Variants in COLGALT2 observed in about 807,000 individuals in gnomAD.
The protein encoded by COLGALT2 is collagen beta(1-O)galactosyltransferase 2.
Under a neutral mutation model 73.4 loss-of-function variants are expected in COLGALT2, and 49 were observed. That is an observed-to-expected ratio of 0.67 (90% CI 0.53 to 0.85). The LOEUF (loss-of-function observed/expected upper bound fraction) is 0.85. COLGALT2 is among the 40% of genes least tolerant of loss of function. The pLI is 0.00. For synonymous variants in COLGALT2, 295 were observed against 307.6 expected (o/e 0.96, Z 0.43); for missense variants, 722 against 790.2 (o/e 0.91, Z 1.03).
intron 1 of COLGALT2, among the ~76,000 whole-genome samples, chr1:184,036,700 A>G (rs1190453781): frequency 6.6e-6 from 1 of 152,164 alleles, no homozygotes; most frequent in East Asian, 1.9e-4. Context: ...CAGGCACCCT[A>G]TCCCCTCACG....
Position 183,969,406 on chromosome 1 carries a change from A to T in COLGALT2, c.695T>A (p.Val232Asp). The change falls in exon 5 of 12, where the codon GTC (valine) becomes GAC (aspartate). Residue 232 changes from valine (V) to aspartate (D), a missense_variant. Transcript: ENST00000361927. The stretch of plus-strand genomic sequence containing the variant: ...TAGGAAGGTGGAGTGGACCATGGGG[A>T]CGGGGAAGCAGCCTGTCCTCTTCCA... Reference protein sequence around the residue: ...REWKRTGCFPVPMVHSTFLID... With the variant: ...REWKRTGCFPDPMVHSTFLID... 6.2e-7 allele frequency: 1 copy of T among 1,613,818 alleles called. No homozygotes were observed. Among genetic ancestry groups the T allele is most frequent in the Non-Finnish European group, 8.5e-7 (1 of 1,179,870 alleles).
intron 1 of COLGALT2, among the ~76,000 whole-genome samples, chr1:184,010,107 A>AT (rs1470350788): frequency 1.3e-5 from 2 of 152,118 alleles, no homozygotes; most frequent in African/African-American, 2.4e-5. Flanking sequence ...TGGGGTCTAG[A>AT]TTTTTTCACC....
intron 7 of COLGALT2, among the ~76,000 whole-genome samples, chr1:183,952,962 T>C (rs1440813292): frequency 6.6e-6 from 1 of 152,170 alleles, no homozygotes; most frequent in Non-Finnish European, 1.5e-5. Flanking sequence ...GGTATAAACA[T>C]GAAGCCACCT....
rs1202380717 is a variant in COLGALT2, at chr1:183,978,440, T to C, written c.344A>G (p.Tyr115Cys). Residue 115 changes from tyrosine (Y) to cysteine (C), a missense_variant, in exon 2 of 12, where the codon TAT (tyrosine) becomes TGT (cysteine). Coordinates refer to ENST00000361927, the MANE Select transcript of COLGALT2 (RefSeq NM_015101.4). The stretch of plus-strand genomic sequence containing the variant: ...TTCATCCATAGGCCTCCACTCCACA[T>C]AGTGATAGAGTCTCTGTACATTTTT... ...WLKNVQRLYH[Y>C]VEWRPMDEPE... 5.0e-6 allele frequency: 8 copies of C among 1,610,244 alleles called. No homozygotes were observed. Among genetic ancestry groups the C allele is most frequent in the South Asian group, 1.1e-5 (1 of 90,946 alleles).
chr1:183,964,408 C>T (rs144788587), intron 5 of COLGALT2: 126 of 250,146 alleles, frequency 5.0e-4, no homozygotes, highest in African/African-American at 2.4e-3. Context: ...GGAATGAAAT[C>T]CACATTTGAT....
At chr1:183,980,786 C>G (rs1671329051) in intron 1 of COLGALT2, among the ~76,000 whole-genome samples, 1 of 151,972 alleles carries the variant, frequency 6.6e-6, no homozygotes, top group Non-Finnish European at 1.5e-5. Context: ...GACCAATATC[C>G]TTTAATGCAC....
intron 4 of COLGALT2, among the ~76,000 whole-genome samples, chr1:183,971,532 T>C (rs1671036862): frequency 6.6e-6 from 1 of 152,224 alleles, no homozygotes; most frequent in African/African-American, 2.4e-5. Context: ...GATTCTGCCA[T>C]GTGAAACACT....
At chr1:183,986,035 C>T (rs781064549) in intron 1 of COLGALT2, among the ~76,000 whole-genome samples, 10 of 152,164 alleles carry the variant, frequency 6.6e-5, no homozygotes, top group African/African-American at 1.7e-4. Flanking sequence ...CATCGAGTCC[C>T]GCCACCTCTG....
chr1:183,973,644 G>C lies in COLGALT2; in HGVS notation c.599C>G (p.Ser200Cys). ...APMLESRGLY[S>C]NFWCGITPKG... is the part of the protein sequence containing the mutation. The stretch of plus-strand genomic sequence containing the variant: ...AGGGGTGATTCCGCACCAGAAATTA[G>C]AATACAGGCCCCGAGACTCCAGCAT... The change falls in exon 4 of 12, where the codon TCT (serine) becomes TGT (cysteine). Residue 200 changes from serine (S) to cysteine (C), a missense_variant. By Grantham distance (112) the Ser-to-Cys change is moderately radical. Coordinates refer to ENST00000361927, the MANE Select transcript of COLGALT2 (RefSeq NM_015101.4). The C allele has an allele frequency of 6.2e-7, 1 of 1,614,020 alleles. No individual in the cohort carries two copies. Among genetic ancestry groups the C allele is most frequent in the Non-Finnish European group, 8.5e-7 (1 of 1,179,984 alleles).
intron 1 of COLGALT2, among the ~76,000 whole-genome samples, chr1:184,013,884 T>C (rs1229161702): frequency 6.6e-6 from 1 of 152,068 alleles, no homozygotes; most frequent in Non-Finnish European, 1.5e-5. Flanking sequence ...TGACAAAAAC[T>C]GATTAATAAC....
chr1:183,968,130 T>C (rs1670931905), intron 5 of COLGALT2, among the ~76,000 whole-genome samples: 1 of 152,198 alleles, frequency 6.6e-6, no homozygotes, highest in Non-Finnish European at 1.5e-5. Flanking sequence ...GCACCATCTT[T>C]TCCACCCTCA....
intron 1 of COLGALT2, among the ~76,000 whole-genome samples, chr1:183,983,746 G>T (rs1479914471): frequency 6.6e-6 from 1 of 152,170 alleles, no homozygotes; most frequent in South Asian, 2.1e-4. Flanking sequence ...AGGCACAGTG[G>T]CCCCTCTCTC....
At chr1:184,017,530 C>T (rs1001191326) in intron 1 of COLGALT2, among the ~76,000 whole-genome samples, 4 of 152,082 alleles carry the variant, frequency 2.6e-5, no homozygotes, top group Admixed American at 2.0e-4. Flanking sequence ...ATTATTCCAC[C>T]GACTGCAAAC....
In COLGALT2 at chr1:183,963,943, C is replaced by T; in HGVS notation, c.910G>A (p.Glu304Lys). The change falls in exon 6 of 12, where the codon GAA becomes AAA. Residue 304 changes from glutamate (E) to lysine (K), a missense_variant. Glu to Lys is a moderately conservative substitution (Grantham distance 56). Coordinates refer to ENST00000361927, the MANE Select transcript of COLGALT2 (RefSeq NM_015101.4). ...ACATGGATGAGGTTCTCGATGTCTTCCTGCAGTGTCTGATGGGGCTTCAGG... is the reference window on the plus strand; with the variant it reads ...ACATGGATGAGGTTCTCGATGTCTTTCTGCAGTGTCTGATGGGGCTTCAGG... ...IPLKPHQTLQ[E>K]DIENLIHVQI... 3.7e-6 allele frequency: 6 copies of T among 1,612,658 alleles called. No homozygotes were observed. The highest frequency in any genetic ancestry group is 1.1e-5 in the South Asian group (1 of 90,746).
intron 1 of COLGALT2, among the ~76,000 whole-genome samples, chr1:183,994,544 T>A (rs560794657): frequency 6.6e-6 from 1 of 152,266 alleles, no homozygotes; most frequent in East Asian, 1.9e-4. Flanking sequence ...AACCTCCGCC[T>A]TCCAGGTTCA....
intron 1 of COLGALT2, among the ~76,000 whole-genome samples, chr1:183,996,627 G>A (rs1671776408): frequency 1.3e-5 from 2 of 152,216 alleles, no homozygotes; most frequent in Non-Finnish European, 2.9e-5. Context: ...GCCTAGAGGT[G>A]AGGACCTGTC....
In COLGALT2 at chr1:184,037,151, C is replaced by A; in HGVS notation, c.207G>T (p.Pro69=). 1 of 1,600,358 alleles carries A rather than the reference C, an allele frequency of 6.2e-7. No individual in the cohort carries two copies. Among genetic ancestry groups the A allele is most frequent in the Non-Finnish European group, 8.5e-7 (1 of 1,175,184 alleles). The change falls in exon 1 of 12, where the codon CCG becomes CCT. Residue 69 remains proline, a synonymous_variant. Coordinates refer to ENST00000361927, the MANE Select transcript of COLGALT2 (RefSeq NM_015101.4). ...VLARNAAHTL[P]HFLGCLERLD... ...GCCGCTCCAGGCAGCCGAGGAAGTG[C>A]GGCAGCGTGTGCGCCGCGTTGCGGG... is the stretch of plus-strand genomic sequence containing the variant.
At chr1:184,036,584 G>C (rs1045185735) in intron 1 of COLGALT2, among the ~76,000 whole-genome samples, 1 of 152,182 alleles carries the variant, frequency 6.6e-6, no homozygotes, top group African/African-American at 2.4e-5. Context: ...GCAGGAGCCC[G>C]GCACCGGAAA....
At chr1:184,018,802 C>T (rs1027356244) in intron 1 of COLGALT2, among the ~76,000 whole-genome samples, 15 of 152,062 alleles carry the variant, frequency 9.9e-5, no homozygotes, top group African/African-American at 3.6e-4. Flanking sequence ...CAAGATTCTC[C>T]AGACAGCAGG....
Sources: gnomAD v4.1 joint callset for allele counts (sites outside exome capture counted in the v4.1 genomes callset) on GRCh38, gnomAD v4.1.1 for gene constraint, MANE v1.5 for transcripts, NCBI Gene and HGNC (gene_info 2026-07-23, HGNC 2026-07-21) for gene names.